The following BLTP3A variants were observed in gnomAD, a reference collection of about 807,000 sequenced individuals.
BLTP3A encodes bridge-like lipid transfer protein family member 3A, also known as ICBP90 binding protein 1.
At chr6:34,855,936 G>A in the BLTP3A span, 1 of 982,476 alleles carries the variant, frequency 1.0e-6, no homozygotes, top group Admixed American at 6.1e-5. Context: ...TCTAGTGCCT[G>A]AGATATTGCT....
the BLTP3A span, among the ~76,000 whole-genome samples, chr6:34,855,284 G>A: frequency 1.3e-5 from 2 of 152,210 alleles, no homozygotes; most frequent in African/African-American, 4.8e-5. Flanking sequence ...TGGGGAAACA[G>A]TCAAGGCTAT....
At chr6:34,812,867 T>A in the BLTP3A span, among the ~76,000 whole-genome samples, 1 of 152,202 alleles carries the variant, frequency 6.6e-6, no homozygotes, top group East Asian at 1.9e-4. Flanking sequence ...GATTGATATG[T>A]TTTGTTTGGA....
chr6:34,849,324 G>GTT, the BLTP3A span, among the ~76,000 whole-genome samples: 1 of 147,094 alleles, frequency 6.8e-6, no homozygotes, highest in Non-Finnish European at 1.5e-5. Flanking sequence ...TGCCCAGCCA[G>GTT]TTTTTTTTTT....
chr6:34,824,261 G>A, the BLTP3A span, among the ~76,000 whole-genome samples: 3 of 152,032 alleles, frequency 2.0e-5, no homozygotes, highest in African/African-American at 2.4e-5. Context: ...GGCCAGGCGC[G>A]GTGGCTCACG....
chr6:34,863,910 G>C, the BLTP3A span: 1 of 1,264,132 alleles, frequency 7.9e-7, no homozygotes, highest in Non-Finnish European at 1.1e-6. Flanking sequence ...TTATCCAGTT[G>C]TCTGAGCTGA....
chr6:34,836,162 C>T, the BLTP3A span: 4 of 1,613,880 alleles, frequency 2.5e-6, no homozygotes, highest in Non-Finnish European at 3.4e-6. Flanking sequence ...GTAGATCACT[C>T]CACCAGCCCC....
chr6:34,808,428 T>G, the BLTP3A span, among the ~76,000 whole-genome samples: 1 of 144,226 alleles, frequency 6.9e-6, no homozygotes, highest in African/African-American at 2.6e-5. Context: ...TAATCAAAAA[T>G]TGTTTTGTTT....
At chr6:34,807,294 T>G in the BLTP3A span, among the ~76,000 whole-genome samples, 1 of 151,482 alleles carries the variant, frequency 6.6e-6, no homozygotes, top group Non-Finnish European at 1.5e-5. Flanking sequence ...CTAACCACCG[T>G]GGGAGCTGAA....
the BLTP3A span, among the ~76,000 whole-genome samples, chr6:34,870,528 G>A: frequency 6.6e-4 from 100 of 152,320 alleles, no homozygotes; most frequent in African/African-American, 2.4e-3. Flanking sequence ...TGGGAGTCCT[G>A]TGTTTTAAGA....
At chr6:34,843,780 A>G in the BLTP3A span, among the ~76,000 whole-genome samples, 2 of 152,206 alleles carry the variant, frequency 1.3e-5, no homozygotes, top group African/African-American at 4.8e-5. Flanking sequence ...TTGCCTGATC[A>G]TATGGTAGTT....
chr6:34,826,665 G>A, the BLTP3A span, among the ~76,000 whole-genome samples: 6 of 152,118 alleles, frequency 3.9e-5, no homozygotes, highest in South Asian at 2.1e-4. Flanking sequence ...GCTTTACATC[G>A]TACATTTACT....
the BLTP3A span, chr6:34,792,248 G>T: frequency 6.5e-7 from 1 of 1,537,652 alleles, no homozygotes; most frequent in Admixed American, 2.0e-5. Context: ...CCGCGGCTCC[G>T]GCATGGCCGG....
the BLTP3A span, among the ~76,000 whole-genome samples, chr6:34,816,398 CCA>C: frequency 6.8e-6 from 1 of 147,948 alleles, no homozygotes; most frequent in African/African-American, 2.5e-5. Context: ...TGAGCCGAGC[CCA>C]GAAGTTCCAG....
the BLTP3A span, among the ~76,000 whole-genome samples, chr6:34,868,722 TAAAA>T: frequency 7.5e-6 from 1 of 133,398 alleles, no homozygotes; most frequent in African/African-American, 2.8e-5. Flanking sequence ...AGACTCTGTT[TAAAA>T]AAAAAAAAAA....
At chr6:34,840,125 C>T in the BLTP3A span, among the ~76,000 whole-genome samples, 1 of 152,180 alleles carries the variant, frequency 6.6e-6, no homozygotes, top group Non-Finnish European at 1.5e-5. Context: ...TGGACATCTG[C>T]CTAGGCATAT....
chr6:34,863,984 G>GT, the BLTP3A span: 32,439 of 1,134,188 alleles, frequency 0.029, 5 homozygotes, highest in South Asian at 0.066. Flanking sequence ...TGTGGTTTTT[G>GT]TTTTTTTTTT....
the BLTP3A span, among the ~76,000 whole-genome samples, chr6:34,846,555 T>G: frequency 7.3e-3 from 1,112 of 152,330 alleles, 21 homozygotes; most frequent in African/African-American, 0.025. Flanking sequence ...CTTGATTTCT[T>G]TTTCAGATTG....
chr6:34,823,078 T>C, the BLTP3A span, among the ~76,000 whole-genome samples: 1 of 152,192 alleles, frequency 6.6e-6, no homozygotes, highest in Non-Finnish European at 1.5e-5. Flanking sequence ...ATGAGGACTC[T>C]CCTTGCATTT....
the BLTP3A span, chr6:34,858,016 TA>T: frequency 6.4e-7 from 1 of 1,557,100 alleles, no homozygotes; most frequent in Non-Finnish European, 8.7e-7. Flanking sequence ...TTTGTGGAAG[TA>T]AGAAAATAGT....
Sources: gnomAD v4.1 joint callset for allele counts (sites outside exome capture counted in the v4.1 genomes callset) on GRCh38, gnomAD v4.1.1 for gene constraint, MANE v1.5 for transcripts, NCBI Gene and HGNC (gene_info 2026-07-23, HGNC 2026-07-21) for gene names.